The following PRIMA1 variants were observed in gnomAD, a reference collection of about 807,000 sequenced individuals.
PRIMA1 encodes proline rich membrane anchor 1, also known as proline-rich membrane anchor 1.
In PRIMA1, 7 loss-of-function variants were observed where a neutral mutation model predicts 17.5. That is an observed-to-expected ratio of 0.40 (90% CI 0.23 to 0.75). The LOEUF (loss-of-function observed/expected upper bound fraction) is 0.75, where lower values mean the gene tolerates loss of function less well. Ranked by LOEUF, PRIMA1 falls within the 30% of genes least tolerant of loss-of-function variation. PRIMA1 has a pLI of 0.37. For synonymous variants in PRIMA1, 97 were observed against 77.9 expected (o/e 1.25, Z -1.29); for missense variants, 200 against 201.8 (o/e 0.99, Z 0.05).
chr14:93,725,237 G>GGCTCGGCACCTGTGGCAGGTAAGGGGCT (rs2076067119), intron 4 of PRIMA1, among the ~76,000 whole-genome samples: 5 of 151,970 alleles, frequency 3.3e-5, no homozygotes, highest in Non-Finnish European at 5.9e-5. Flanking sequence ...GCAGGTAAGG[G>GGCTCGGCACCTGTGGCAGGTAAGGGGCT]CCCCAGACAG....
At chr14:93,760,102 A>G (rs2076317930) in intron 3 of PRIMA1, among the ~76,000 whole-genome samples, 2 of 152,192 alleles carry the variant, frequency 1.3e-5, no homozygotes, top group African/African-American at 4.8e-5. Context: ...GGCAGCATAA[A>G]TCAAGCCCCA....
chr14:93,757,858 T>G (rs776019244), intron 3 of PRIMA1, among the ~76,000 whole-genome samples: 2 of 152,204 alleles, frequency 1.3e-5, no homozygotes, highest in African/African-American at 4.8e-5. Context: ...AAGAGAACCC[T>G]GTGTGTGAAG....
intron 4 of PRIMA1, among the ~76,000 whole-genome samples, chr14:93,734,775 C>A (rs2141159104): frequency 6.6e-6 from 1 of 152,250 alleles, no homozygotes; most frequent in African/African-American, 2.4e-5. Context: ...AAGAAGCCCA[C>A]TATCTGAAGT....
chr14:93,746,237 G>A (rs1270493365), intron 3 of PRIMA1, among the ~76,000 whole-genome samples: 1 of 152,130 alleles, frequency 6.6e-6, no homozygotes, highest in African/African-American at 2.4e-5. Context: ...TCTTAAGGGA[G>A]ATGCAGAGGA....
At chr14:93,734,596 A>G (rs2076136353) in intron 4 of PRIMA1, among the ~76,000 whole-genome samples, 2 of 136,732 alleles carry the variant, frequency 1.5e-5, no homozygotes, top group African/African-American at 2.6e-5. Context: ...GCCTGCCCAA[A>G]GCGCTGGAAT....
intron 3 of PRIMA1, among the ~76,000 whole-genome samples, chr14:93,748,332 G>T (rs913606108): frequency 1.3e-5 from 2 of 152,158 alleles, no homozygotes; most frequent in African/African-American, 4.8e-5. Context: ...GGGCCAACCT[G>T]TGACGGCTGC....
intron 3 of PRIMA1, among the ~76,000 whole-genome samples, chr14:93,768,051 C>T (rs1884945651): frequency 1.3e-5 from 2 of 151,996 alleles, no homozygotes; most frequent in African/African-American, 4.8e-5. Context: ...TTTAAATGGT[C>T]CAAATGGTGA....
intron 3 of PRIMA1, among the ~76,000 whole-genome samples, chr14:93,766,629 T>G (rs1036918050): frequency 6.6e-6 from 1 of 152,196 alleles, no homozygotes; most frequent in Non-Finnish European, 1.5e-5. Flanking sequence ...GGGCCTCACA[T>G]GCAGCATGAC....
rs986774580 is a variant in PRIMA1, at chr14:93,761,071, C to T, written c.229+18105G>A. Among the ~76,000 whole-genome samples the T allele has an allele frequency of 3.3e-5, 5 of 151,418 alleles. No individual in the cohort carries two copies. In the East Asian group the frequency reaches 5.9e-4, roughly 18 times the overall value. On this transcript the variant is annotated intron_variant, in intron 3 of 4. Coordinates refer to ENST00000393140, the MANE Select transcript of PRIMA1 (RefSeq NM_178013.4). ...AAAAAAAAACCCACCTCTGGCTGGG[C>T]GCAGTGGCTCAAGCCTATAATCCCA...
chr14:93,786,589 C>T (rs1044318765), intron 2 of PRIMA1, among the ~76,000 whole-genome samples: 1 of 152,106 alleles, frequency 6.6e-6, no homozygotes, highest in Admixed American at 6.5e-5. Flanking sequence ...GAATTGTCCC[C>T]AAACCCCAAA....
At chr14:93,775,988 C>G (rs928120736) in intron 3 of PRIMA1, among the ~76,000 whole-genome samples, 21 of 152,212 alleles carry the variant, frequency 1.4e-4, no homozygotes, top group African/African-American at 5.1e-4. Flanking sequence ...GCTAGTCCAG[C>G]AAAAGTCAGC....
intron 3 of PRIMA1, among the ~76,000 whole-genome samples, chr14:93,754,496 T>G (rs955344930): frequency 6.6e-6 from 1 of 151,748 alleles, no homozygotes; most frequent in Non-Finnish European, 1.5e-5. Flanking sequence ...TATCCATCCC[T>G]CCCTAGGGCA....
Position 93,721,370 on chromosome 14 carries a change from T to C in PRIMA1, c.*74A>G. On this transcript the variant is annotated 3_prime_UTR_variant, in exon 5 of 5. Coordinates refer to ENST00000393140, the MANE Select transcript of PRIMA1 (RefSeq NM_178013.4). ...CCTGGACAAGCTCAGGGTTAGCTCA[T>C]GTCCACCTGCTTTCCCATGTCCACC... 5 of 957,666 alleles carry C rather than the reference T, an allele frequency of 5.2e-6. No individual in the cohort carries two copies. In the South Asian group the frequency reaches 5.5e-5, roughly 11 times the overall value. 59.3% of individuals were successfully genotyped at this position (957,666 alleles called of 1,614,324 possible).
intron 3 of PRIMA1, among the ~76,000 whole-genome samples, chr14:93,749,914 C>T (rs143284594): frequency 0.012 from 1,823 of 152,322 alleles, 41 homozygotes; most frequent in African/African-American, 0.041. Context: ...GGTGCAGTGG[C>T]TCATGCCTGT....
chr14:93,782,921 G>A (rs952902620), intron 2 of PRIMA1, among the ~76,000 whole-genome samples: 28 of 152,268 alleles, frequency 1.8e-4, no homozygotes, highest in Admixed American at 5.9e-4. Context: ...TGCAAGAACA[G>A]GACTGAGATT....
Position 93,781,577 on chromosome 14 carries a change from G to T in PRIMA1, c.94-2266C>A, listed in dbSNP as rs909984580. The stretch of plus-strand genomic sequence containing the variant: ...GCCCGACACAATGACCTATTTTTGT[G>T]AGAGGATATGAAGGCACAGATGTAT... On this transcript the variant is annotated intron_variant, in intron 2 of 4. Transcript: ENST00000393140. Among the ~76,000 whole-genome samples the T allele has an allele frequency of 9.8e-5, 15 of 152,354 alleles. No homozygotes were observed. In the South Asian group the frequency reaches 1.0e-3, roughly 11 times the overall value.
intron 3 of PRIMA1, among the ~76,000 whole-genome samples, chr14:93,742,195 TG>T (rs2076188393): frequency 6.6e-6 from 1 of 152,204 alleles, no homozygotes; most frequent in African/African-American, 2.4e-5. Flanking sequence ...CCAAAGACAC[TG>T]ATTTCCCAAG....
chr14:93,763,753 T>C (rs1884804076), intron 3 of PRIMA1, among the ~76,000 whole-genome samples: 1 of 152,028 alleles, frequency 6.6e-6, no homozygotes, highest in African/African-American at 2.4e-5. Context: ...CTCTTCTCCT[T>C]CCCTCTGGTC....
At chr14:93,787,578 C>A (rs1885559273) in intron 2 of PRIMA1, 48 bp downstream of exon 2, 2 of 1,536,900 alleles carry the variant, frequency 1.3e-6, no homozygotes, top group African/African-American at 1.4e-5. Context: ...ACAGCTCGCC[C>A]CTTACCCAGG....
Sources: gnomAD v4.1 joint callset for allele counts (sites outside exome capture counted in the v4.1 genomes callset) on GRCh38, gnomAD v4.1.1 for gene constraint, MANE v1.5 for transcripts, NCBI Gene and HGNC (gene_info 2026-07-23, HGNC 2026-07-21) for gene names.